Variants in MMAB observed in about 807,000 individuals in gnomAD.
MMAB encodes the protein metabolism of cobalamin associated B.
MMAB carries 17 observed loss-of-function variants against 30.6 expected under a neutral mutation model. The ratio of observed to expected loss-of-function variants is 0.56; its 90% CI spans 0.38 to 0.83. The LOEUF is 0.83. Ranked by LOEUF, MMAB falls within the 40% of genes least tolerant of loss-of-function variation. The probability of loss-of-function intolerance (pLI) is 0.00; values close to 1 mark genes in which losing one functional copy is unlikely to be tolerated. For missense variants in MMAB, 311 were observed against 331.6 expected, an observed-to-expected ratio of 0.94 and a Z score of 0.48; for synonymous variants, 134 against 138.6, an observed-to-expected ratio of 0.97 and a Z score of 0.23.
Position 109,561,550 on chromosome 12 carries a change from G to A in MMAB, c.422-33C>T. On this transcript the variant is annotated intron_variant, in intron 5 of 8. Coordinates refer to ENST00000545712, the MANE Select transcript of MMAB (RefSeq NM_052845.4). This position sits in a 1 kb window ranked among gnomAD's most constrained non-coding sequence, Gnocchi z 5.3. ...GCCAAGGAGCAGAGGGAACTGCCATGAGGCCATCACCCACCAGACCATGGC... is the reference window on the plus strand; with the variant it reads ...GCCAAGGAGCAGAGGGAACTGCCATAAGGCCATCACCCACCAGACCATGGC... The A allele has an allele frequency of 6.6e-7, 1 of 1,522,788 alleles. No individual in the cohort carries two copies. Among genetic ancestry groups the A allele is most frequent in the East Asian group, 2.5e-5 (1 of 40,806 alleles). The allele number at this position is 1,522,788 out of a possible 1,614,324, so 94.3% of individuals were successfully genotyped here.
chr12:109,555,856 C>CT lies in MMAB; in HGVS notation c.*1171dup, dbSNP rs776491713. On this transcript the variant is annotated 3_prime_UTR_variant, in exon 9 of 9. Transcript: ENST00000545712. ...TGACTAAGAAGGTAATGTTTGCTGA[C>CT]TTGCCAGCAAGAAAGATGGCCGGAA... The CT allele has an allele frequency of 4.4e-6, 2 of 454,002 alleles. No individual in the cohort carries two copies. The highest frequency in any genetic ancestry group is 8.8e-6 in the Non-Finnish European group (2 of 226,790). 28.1% of individuals were successfully genotyped at this position (454,002 alleles called of 1,614,324 possible). A position where few individuals can be genotyped will look rare whatever the true frequency, so the allele number is the denominator to read the frequency against.
At position 109,569,977 on chromosome 12, in the gene MMAB, TA is replaced by T. The variant is rs1884578313; in HGVS notation, c.197-1115del. ...GAAACAAATTATTAACATACCCAAT[TA>T]CAGGCCAGGTGCAGTGGCTCACACT... On this transcript the variant is annotated intron_variant, in intron 2 of 8. Transcript: ENST00000545712. The surrounding 1 kb of genome is among the most constrained non-coding windows in gnomAD (Gnocchi z 4.1). The T allele has an allele frequency of 1.2e-5, 2 of 170,914 alleles. No individual in the cohort carries two copies. Among genetic ancestry groups the T allele is most frequent in the Admixed American group, 6.4e-5 (1 of 15,532 alleles). The allele number at this position is 170,914 out of a possible 1,614,324, so 10.6% of individuals were successfully genotyped here.
chr12:109,564,556 A>ATT (rs146815107), intron 4 of MMAB, among the ~76,000 whole-genome samples: 4 of 127,042 alleles, frequency 3.1e-5, no homozygotes, highest in African/African-American at 1.5e-4. Flanking sequence ...GCTAATTTTT[A>ATT]ATTTTTTTTT....
In MMAB at chr12:109,556,375, G is replaced by A. The variant is rs1418718690; in HGVS notation, c.*653C>T. On this transcript the variant is annotated 3_prime_UTR_variant, in exon 9 of 9. Transcript: ENST00000545712. ...AGCATCTCCATCCCTTTCAGAGGGG[G>A]TCCTCTAAGCTGCACCCCCATCACA... The A allele has an allele frequency of 2.2e-6, 1 of 453,892 alleles. No homozygotes were observed. The highest frequency in any genetic ancestry group is 2.0e-5 in the African/African-American group (1 of 49,980). 28.1% of individuals were successfully genotyped at this position (453,892 alleles called of 1,614,324 possible).
At chr12:109,557,846 G>T (rs189959871) in intron 8 of MMAB, among the ~76,000 whole-genome samples, 1 of 152,186 alleles carries the variant, frequency 6.6e-6, no homozygotes, top group Admixed American at 6.5e-5. Flanking sequence ...CCCCTTTCCC[G>T]CCTCCTCCTT....
At chr12:109,564,302 C>G (rs1566134285) in intron 4 of MMAB, among the ~76,000 whole-genome samples, 1 of 152,114 alleles carries the variant, frequency 6.6e-6, no homozygotes, top group Admixed American at 6.5e-5. Flanking sequence ...TTTTAAATTC[C>G]CTCATTTAGT....
At position 109,558,215 on chromosome 12, in the gene MMAB, T is replaced by C. The variant is rs1884047938; in HGVS notation, c.644+881A>G. ...GGGCAGTGGTGTGCCTGTTGCTTGT[T>C]GGCTCTGTGAAGCCTCACTGAGGAG... On this transcript the variant is annotated intron_variant, in intron 8 of 8. Transcript: ENST00000545712. The surrounding 1 kb of genome is among the most constrained non-coding windows in gnomAD (Gnocchi z 4.3). Among the ~76,000 whole-genome samples the C allele has an allele frequency of 6.6e-6, 1 of 152,164 alleles. No individual in the cohort carries two copies. Among genetic ancestry groups the C allele is most frequent in the Admixed American group, 6.5e-5 (1 of 15,286 alleles).
chr12:109,556,180 A>C lies in MMAB; in HGVS notation c.*848T>G, dbSNP rs770917764. On this transcript the variant is annotated 3_prime_UTR_variant, in exon 9 of 9. Coordinates refer to ENST00000545712, the MANE Select transcript of MMAB (RefSeq NM_052845.4). ...AATACAGCCGTGGCACCGATCTCAGAGGCATAAGCCAGCCAAGTGCAACAT... is the reference window on the plus strand; with the variant it reads ...AATACAGCCGTGGCACCGATCTCAGCGGCATAAGCCAGCCAAGTGCAACAT... 2.2e-6 allele frequency: 1 copy of C among 453,908 alleles called. No individual in the cohort carries two copies. The highest frequency in any genetic ancestry group is 4.4e-6 in the Non-Finnish European group (1 of 226,634). 28.1% of individuals were successfully genotyped at this position (453,908 alleles called of 1,614,324 possible).
chr12:109,570,376 C>T (rs2136209753), intron 2 of MMAB, among the ~76,000 whole-genome samples: 1 of 152,326 alleles, frequency 6.6e-6, no homozygotes, highest in Middle Eastern at 3.4e-3. Flanking sequence ...ACAATAAGTC[C>T]TTTCCAACAT....
intron 3 of MMAB, 131 bp downstream of exon 3, chr12:109,568,639 G>T: frequency 1.3e-6 from 1 of 785,642 alleles, no homozygotes; most frequent in Non-Finnish European, 2.3e-6. Context: ...TGTGCTTCAG[G>T]GCTGAGGAAA....
Position 109,555,490 on chromosome 12 carries a change from T to A in MMAB, c.*1538A>T. On this transcript the variant is annotated 3_prime_UTR_variant, in exon 9 of 9. Coordinates refer to ENST00000545712, the MANE Select transcript of MMAB (RefSeq NM_052845.4). The stretch of plus-strand genomic sequence containing the variant: ...TTTTTTTTTAGCAGAAATGGGGTTT[T>A]ACCATGTTGACCAGGCTGGTCTCAA... The A allele has an allele frequency of 2.5e-6, 1 of 406,708 alleles. No individual in the cohort carries two copies. The highest frequency in any genetic ancestry group is 1.8e-5 in the South Asian group (1 of 55,082). The allele number at this position is 406,708 out of a possible 1,614,324, so 25.2% of individuals were successfully genotyped here. A position where few individuals can be genotyped will look rare whatever the true frequency, so the allele number is the denominator to read the frequency against.
Position 109,569,014 on chromosome 12 carries a change from T to G in MMAB, c.197-151A>C, listed in dbSNP as rs1254996042. On this transcript the variant is annotated intron_variant, in intron 2 of 8. Coordinates refer to ENST00000545712, the MANE Select transcript of MMAB (RefSeq NM_052845.4). The surrounding 1 kb of genome is among the most constrained non-coding windows in gnomAD (Gnocchi z 4.1). ...AGGCTGGAGTACAGCGGCGTGATCT[T>G]GGCTCACTGCAGCCTCCCCCTCCCA... The G allele has an allele frequency of 2.9e-6, 2 of 678,140 alleles. No homozygotes were observed. 42.0% of individuals were successfully genotyped at this position (678,140 alleles called of 1,614,324 possible).
Position 109,562,877 on chromosome 12 carries a change from A to G in MMAB, c.349-1025T>C, listed in dbSNP as rs116501853. Among the ~76,000 whole-genome samples, 812 of 152,284 alleles carry G rather than the reference A, an allele frequency of 5.3e-3. 5 individuals are homozygous for G. The highest frequency in any genetic ancestry group is 0.018 in the African/African-American group (751 of 41,548). On this transcript the variant is annotated intron_variant, in intron 4 of 8. Coordinates refer to ENST00000545712, the MANE Select transcript of MMAB (RefSeq NM_052845.4). ...GCAGGACTCCAGGCCCCTGCATGAC[A>G]AATGTCCAACAGCTCTCATGCATGT...
At chr12:109,571,544 G>A (rs145845797) in intron 2 of MMAB, 105 bp downstream of exon 2, 26 of 1,061,888 alleles carry the variant, frequency 2.4e-5, no homozygotes, top group South Asian at 1.0e-4. Flanking sequence ...GAGCCACCGC[G>A]CCTGGTATAT....
chr12:109,561,819 G>A lies in MMAB; in HGVS notation c.382C>T (p.Leu128=). The part of the protein sequence containing the change: ...QCTLQDVGSA[L]ATPCSSAREA... ...CGGGCCGAGGAGCATGGTGTCGCCA[G>A]GGCCGAGCCGACGTCCTGCAATGTG... Residue 128 remains leucine (L), a synonymous_variant, in exon 5 of 9, where the codon CTG becomes TTG. Transcript: ENST00000545712. The surrounding 1 kb of genome is among the most constrained non-coding windows in gnomAD (Gnocchi z 5.3). The A allele has an allele frequency of 6.2e-7, 1 of 1,609,596 alleles. No individual in the cohort carries two copies. The highest frequency in any genetic ancestry group is 8.5e-7 in the Non-Finnish European group (1 of 1,177,910).
In MMAB at chr12:109,561,599, C is replaced by A. The variant is rs1259521044; in HGVS notation, c.422-82G>T. On this transcript the variant is annotated intron_variant, in intron 5 of 8. Coordinates refer to ENST00000545712, the MANE Select transcript of MMAB (RefSeq NM_052845.4). This position sits in a 1 kb window ranked among gnomAD's most constrained non-coding sequence, Gnocchi z 5.3. ...GCGGGAACCACCCCCGCCGCCCTTC[C>A]ACCTGGGTGTCCCGCAGACTGCTTC... The A allele has an allele frequency of 1.5e-6, 2 of 1,322,120 alleles. No homozygotes were observed. Among genetic ancestry groups the A allele is most frequent in the Non-Finnish European group, 2.1e-6 (2 of 948,196 alleles). 81.9% of individuals were successfully genotyped at this position (1,322,120 alleles called of 1,614,324 possible). A position where few individuals can be genotyped will look rare whatever the true frequency, so the allele number is the denominator to read the frequency against.
intron 7 of MMAB, among the ~76,000 whole-genome samples, chr12:109,560,488 A>G (rs1884153727): frequency 6.6e-6 from 1 of 150,538 alleles, no homozygotes; most frequent in Admixed American, 6.6e-5. Flanking sequence ...TGGTGTAGAT[A>G]GAGACTTTGC....
rs1265493984 is a variant in MMAB, at chr12:109,558,257, C to T, written c.644+839G>A. Among the ~76,000 whole-genome samples, 3 of 152,148 alleles carry T rather than the reference C, an allele frequency of 2.0e-5. No homozygotes were observed. The highest frequency in any genetic ancestry group is 2.9e-5 in the Non-Finnish European group (2 of 68,022). ...ACTGAGGAGATGAAATGGCCTGTCC[C>T]GTGCAATGCTATGGGACCGCAGGGT... On this transcript the variant is annotated intron_variant, in intron 8 of 8. Transcript: ENST00000545712. This position sits in a 1 kb window ranked among gnomAD's most constrained non-coding sequence, Gnocchi z 4.3.
In MMAB at chr12:109,556,648, T is replaced by TCTCTCACACACACA. The variant is rs1555273916; in HGVS notation, c.*379_*380insTGTGTGTGTGAGAG. ...GAGCTGGCAGTGGGAGGGCTCTCTC[T>TCTCTCACACACACA]CACACACACACACACACACACACAC... On this transcript the variant is annotated 3_prime_UTR_variant, in exon 9 of 9. Transcript: ENST00000545712. 2 of 328,308 alleles carry TCTCTCACACACACA rather than the reference T, an allele frequency of 6.1e-6. No individual in the cohort carries two copies. The highest frequency in any genetic ancestry group is 2.9e-5 in the African/African-American group (1 of 33,958). The allele number at this position is 328,308 out of a possible 1,614,324, so 20.3% of individuals were successfully genotyped here.
Sources: allele counts gnomAD v4.1 joint callset (sites outside exome capture counted in the v4.1 genomes callset), GRCh38; gene constraint gnomAD v4.1.1; non-coding constraint Gnocchi (gnomAD v3.1); transcripts MANE v1.5; gene names NCBI Gene and HGNC (gene_info 2026-07-23, HGNC 2026-07-21).